NTM: variants seen among roughly 807,000 people sequenced by gnomAD.
NTM encodes IgLON family member 2.
Under a neutral mutation model 42.1 loss-of-function variants are expected in NTM, and 13 were observed. The observed-to-expected ratio is 0.31, with a 90% CI of 0.20 to 0.49. The LOEUF (loss-of-function observed/expected upper bound fraction) is 0.49. NTM is among the 20% of genes least tolerant of loss of function. The pLI, the probability that NTM is intolerant of heterozygous loss-of-function variation, is 0.99. For synonymous variants in NTM, 187 were observed against 179.2 expected (o/e 1.04, Z -0.35); for missense variants, 373 against 452.8 (o/e 0.82, Z 1.60).
intron 2 of NTM, among the ~76,000 whole-genome samples, chr11:132,042,555 G>GA (rs1238313509): frequency 1.3e-5 from 2 of 152,204 alleles, no homozygotes; most frequent in Non-Finnish European, 2.9e-5. Context: ...CACCTCCAGT[G>GA]AAAAGGCTCT....
At chr11:131,677,379 G>C (rs2071609157) in intron 1 of NTM, among the ~76,000 whole-genome samples, 1 of 152,220 alleles carries the variant, frequency 6.6e-6, no homozygotes, top group African/African-American at 2.4e-5. Context: ...CTCTAGCAAA[G>C]TGCTAGACCA....
chr11:132,044,151 T>C (rs1217663009), intron 2 of NTM, among the ~76,000 whole-genome samples: 2 of 130,680 alleles, frequency 1.5e-5, no homozygotes, highest in Non-Finnish European at 3.1e-5. Flanking sequence ...TATGTGCGTG[T>C]GTGTGTGTGT....
At position 131,751,211 on chromosome 11, in the gene NTM, G is replaced by A. The variant is rs185068800; in HGVS notation, c.83-160353G>A. On this transcript the variant is annotated intron_variant, in intron 1 of 8. Coordinates refer to ENST00000683400, the MANE Select transcript of NTM (RefSeq NM_001352005.2). Reference sequence around the variant, plus strand: ...AGCACTTTGGCAGGCCAAGGCAGGCGGATCACAAGTTCAGGAGATTGAGAC... The same window carrying A: ...AGCACTTTGGCAGGCCAAGGCAGGCAGATCACAAGTTCAGGAGATTGAGAC... Among the ~76,000 whole-genome samples, 647 of 152,178 alleles carry A rather than the reference G, an allele frequency of 4.3e-3. 3 individuals carry two copies. The highest frequency in any genetic ancestry group is 0.028 in the East Asian group (145 of 5,170).
rs76998084 is a variant in NTM, at chr11:131,927,600, C to T, written c.167+15952C>T. ...GTTGCCACTTTGGCTTCTGCTGATT[C>T]CTTTAAGCACACAGTTTCAACAGAC... On this transcript the variant is annotated intron_variant, in intron 2 of 8. Coordinates refer to ENST00000683400, the MANE Select transcript of NTM (RefSeq NM_001352005.2). Among the ~76,000 whole-genome samples, 522 of 152,324 alleles carry T rather than the reference C, an allele frequency of 3.4e-3. 5 individuals are homozygous for T. The highest frequency in any genetic ancestry group is 0.012 in the African/African-American group (494 of 41,570).
intron 2 of NTM, among the ~76,000 whole-genome samples, chr11:132,144,304 T>G (rs763306784): frequency 6.6e-6 from 1 of 152,204 alleles, no homozygotes; most frequent in Non-Finnish European, 1.5e-5. Context: ...ACCTCAGACC[T>G]ACTGAATCAG....
rs1347256076 is a variant in NTM at position 131,566,746 on chromosome 11, C to T, written c.82+195858C>T. On this transcript the variant is annotated intron_variant, in intron 1 of 8. Coordinates refer to ENST00000683400, the MANE Select transcript of NTM (RefSeq NM_001352005.2). ...AAAGTGCTAAGGTTTCCTGCTTTCGCTTGGGTTGTATTTTTATTAAGCTGT... is the reference window on the plus strand; with the variant it reads ...AAAGTGCTAAGGTTTCCTGCTTTCGTTTGGGTTGTATTTTTATTAAGCTGT... Among the ~76,000 whole-genome samples, 2 of 152,110 alleles carry T rather than the reference C, an allele frequency of 1.3e-5. 1 individual carries two copies. The highest frequency in any genetic ancestry group is 4.2e-4 in the South Asian group (2 of 4,808).
chr11:131,652,096 T>G (rs573090002), intron 1 of NTM, among the ~76,000 whole-genome samples: 25 of 43,656 alleles, frequency 5.7e-4, no homozygotes, highest in African/African-American at 1.8e-3. Context: ...GACTTATGAG[T>G]TAACTTGTGA....
intron 1 of NTM, among the ~76,000 whole-genome samples, chr11:131,765,483 A>C (rs920897046): frequency 1.3e-5 from 2 of 152,070 alleles, no homozygotes; most frequent in Admixed American, 6.6e-5. Context: ...TTTCTATCTT[A>C]TCCGCTTATG....
At chr11:132,229,728 G>A (rs147160832) in intron 4 of NTM, among the ~76,000 whole-genome samples, 25 of 152,222 alleles carry the variant, frequency 1.6e-4, no homozygotes, top group Non-Finnish European at 2.8e-4. Flanking sequence ...TGCATATCAT[G>A]TCATGTTATA....
chr11:131,917,863 A>AGC (rs1421147490), intron 2 of NTM, among the ~76,000 whole-genome samples: 1 of 152,220 alleles, frequency 6.6e-6, no homozygotes, highest in Non-Finnish European at 1.5e-5. Context: ...AAGCACATTC[A>AGC]GCTGTTGAGG....
intron 1 of NTM, among the ~76,000 whole-genome samples, chr11:131,563,017 G>A (rs2056430419): frequency 6.6e-6 from 1 of 152,194 alleles, no homozygotes; most frequent in Non-Finnish European, 1.5e-5. Flanking sequence ...GGCAGGCTCT[G>A]TCATTTCCAT....
At chr11:131,626,813 T>C (rs2512871) in intron 1 of NTM, among the ~76,000 whole-genome samples, 127,270 of 152,222 alleles carry the variant, frequency 0.84, 53,260 homozygotes, top group Non-Finnish European at 0.85. Flanking sequence ...TGCTTCTTAA[T>C]GTGCCAAGAA....
intron 3 of NTM, among the ~76,000 whole-genome samples, chr11:132,182,233 A>G (rs1806842580): frequency 6.6e-6 from 1 of 151,988 alleles, no homozygotes; most frequent in Admixed American, 6.6e-5. Flanking sequence ...AATTCTATCT[A>G]CCAAATATTC....
At chr11:132,026,274 C>T (rs2075162704) in intron 2 of NTM, among the ~76,000 whole-genome samples, 1 of 152,190 alleles carries the variant, frequency 6.6e-6, no homozygotes, top group Admixed American at 6.5e-5. Flanking sequence ...GGGTTAACAT[C>T]TTGCCCCGCA....
intron 1 of NTM, among the ~76,000 whole-genome samples, chr11:131,619,330 T>A (rs941215213): frequency 4.6e-5 from 7 of 152,156 alleles, no homozygotes; most frequent in African/African-American, 1.7e-4. Context: ...GTCTCCCAAA[T>A]GCTCCCACTC....
intron 2 of NTM, among the ~76,000 whole-genome samples, chr11:132,138,400 A>G (rs893215208): frequency 6.6e-6 from 1 of 152,192 alleles, no homozygotes; most frequent in Non-Finnish European, 1.5e-5. Flanking sequence ...TCTAACAAAC[A>G]ATAAGGAAGG....
intron 1 of NTM, among the ~76,000 whole-genome samples, chr11:131,842,571 T>A (rs1038044722): frequency 6.6e-6 from 1 of 152,312 alleles, no homozygotes; most frequent in South Asian, 2.1e-4. Flanking sequence ...CTACTAAGCA[T>A]GTTCAACGCA....
At chr11:131,465,498 C>T (rs1461636573) in intron 1 of NTM, among the ~76,000 whole-genome samples, 1 of 152,090 alleles carries the variant, frequency 6.6e-6, no homozygotes, top group Admixed American at 6.5e-5. Context: ...CCCAGGTTGC[C>T]AGCTTACTAT....
At chr11:131,407,015 T>C (rs568093444) in intron 1 of NTM, among the ~76,000 whole-genome samples, 6 of 152,368 alleles carry the variant, frequency 3.9e-5, no homozygotes, top group South Asian at 4.1e-4. Context: ...TGTTCCCTTT[T>C]TGCAGTTAAG....
Sources: allele counts gnomAD v4.1 joint callset (sites outside exome capture counted in the v4.1 genomes callset), GRCh38; gene constraint gnomAD v4.1.1; transcripts MANE v1.5; gene names NCBI Gene and HGNC (gene_info 2026-07-23, HGNC 2026-07-21).